Variants in C4orf51 observed in about 807,000 individuals in gnomAD.
C4orf51 encodes the protein chromosome 4 open reading frame 51.
C4orf51 carries 25 observed loss-of-function variants against 25.2 expected under a neutral mutation model. The ratio of observed to expected loss-of-function variants is 0.99; its 90% CI spans 0.72 to 1.39. The LOEUF (loss-of-function observed/expected upper bound fraction) is 1.39. Ranked by LOEUF, C4orf51 falls within the 40% of genes most tolerant of loss-of-function variation. The probability of loss-of-function intolerance (pLI) is 0.00; values close to 1 mark genes in which losing one functional copy is unlikely to be tolerated. For synonymous variants in C4orf51, 100 were observed against 84.5 expected, an observed-to-expected ratio of 1.18 and a Z score of -1.01; for missense variants, 252 against 239.6, an observed-to-expected ratio of 1.05 and a Z score of -0.34.
At chr4:145,705,340 C>T (rs987028658) in intron 2 of C4orf51, among the ~76,000 whole-genome samples, 2 of 152,160 alleles carry the variant, frequency 1.3e-5, no homozygotes, top group Non-Finnish European at 2.9e-5. Context: ...TTTAAAGAGA[C>T]AGTTAGCAAT....
chr4:145,694,252 G>A (rs1238298776), intron 1 of C4orf51, among the ~76,000 whole-genome samples: 1 of 134,870 alleles, frequency 7.4e-6, no homozygotes, highest in Admixed American at 7.3e-5. Flanking sequence ...ATGGGATGGC[G>A]GCCAGGCGGA....
At position 145,765,503 on chromosome 4, in the gene C4orf51, TG is replaced by T; in HGVS notation, n.167-5482del. ...GCTTATTCTCAAGAATGGGTCATCC[TG>T]GGTGCGGAGGGTTGAGCAGGCTCAC... On this transcript the variant is annotated intron_variant and non_coding_transcript_variant, in intron 1 of 1. Coordinates refer to the C4orf51 transcript ENST00000510096. The surrounding 1 kb of genome is among the most constrained non-coding windows in gnomAD (Gnocchi z 4.7). 1 of 1,561,026 alleles carries T rather than the reference TG, an allele frequency of 6.4e-7. No individual in the cohort carries two copies. The highest frequency in any genetic ancestry group is 8.7e-7 in the Non-Finnish European group (1 of 1,155,360).
intron 1 of C4orf51, among the ~76,000 whole-genome samples, chr4:145,748,966 G>A (rs577048156): frequency 4.0e-5 from 6 of 151,476 alleles, no homozygotes; most frequent in Non-Finnish European, 8.8e-5. Flanking sequence ...AAGGTGGGAT[G>A]TTGAAGTCTC....
chr4:145,780,780 TATC>T, the C4orf51 span, among the ~76,000 whole-genome samples: 1 of 152,234 alleles, frequency 6.6e-6, no homozygotes, highest in East Asian at 1.9e-4. Flanking sequence ...ACTAAGTTAA[TATC>T]TTGTCTTTTA....
intron 1 of C4orf51, among the ~76,000 whole-genome samples, chr4:145,694,738 C>T (rs536300451): frequency 1.6e-3 from 235 of 151,524 alleles, no homozygotes; most frequent in African/African-American, 5.5e-3. Context: ...TGAGGAGCCC[C>T]TCTGCCCGGC....
chr4:145,741,857 C>T (rs1214674219), intron 1 of C4orf51, among the ~76,000 whole-genome samples: 1 of 152,016 alleles, frequency 6.6e-6, no homozygotes, highest in East Asian at 1.9e-4. Context: ...CCACCATGCC[C>T]AACTAATTTT....
chr4:145,715,394 G>A (rs960541817), intron 2 of C4orf51, among the ~76,000 whole-genome samples: 5 of 152,202 alleles, frequency 3.3e-5, no homozygotes, highest in African/African-American at 1.2e-4. Context: ...GCAGTGTCTC[G>A]CACAGCTAGA....
At chr4:145,707,465 C>T (rs1730879048) in intron 2 of C4orf51, among the ~76,000 whole-genome samples, 6 of 152,192 alleles carry the variant, frequency 3.9e-5, no homozygotes, top group Admixed American at 2.6e-4. Flanking sequence ...TTTGCTAGTG[C>T]TTGTCCAAAT....
chr4:145,709,925 G>C (rs1731041461), intron 2 of C4orf51, among the ~76,000 whole-genome samples: 2 of 152,116 alleles, frequency 1.3e-5, no homozygotes, highest in Non-Finnish European at 2.9e-5. Context: ...TCATTCTGGG[G>C]GTTGGTTAGT....
chr4:145,681,802 T>C (rs966552476), intron 1 of C4orf51, among the ~76,000 whole-genome samples: 5 of 152,176 alleles, frequency 3.3e-5, no homozygotes, highest in African/African-American at 1.2e-4. Context: ...AACCTGCTCA[T>C]ATGATTAATC....
intron 2 of C4orf51, among the ~76,000 whole-genome samples, chr4:145,712,530 CCTAA>C (rs768665161): frequency 1.3e-5 from 2 of 152,134 alleles, no homozygotes; most frequent in Non-Finnish European, 2.9e-5. Flanking sequence ...AGAGAAAGGC[CCTAA>C]CTCTCTTCAA....
chr4:145,755,256 G>GT (rs1228037045), downstream of C4orf51, among the ~76,000 whole-genome samples: 1 of 152,180 alleles, frequency 6.6e-6, no homozygotes, highest in Non-Finnish European at 1.5e-5. Context: ...CACAGCCCTA[G>GT]TTTGTGTCTG....
chr4:145,743,701 T>C (rs1187350352), intron 1 of C4orf51, among the ~76,000 whole-genome samples: 1 of 152,148 alleles, frequency 6.6e-6, no homozygotes, highest in African/African-American at 2.4e-5. Context: ...AACTACAGAG[T>C]AGTTTAGGCA....
Position 145,761,155 on chromosome 4 carries a change from G to A in C4orf51, n.167-9833G>A. ...CGGGCCGGCCGGTTCCTTGGGGGCTGGACACAGGCCCTTCTTGTCCTCCTC... is the reference window on the plus strand; with the variant it reads ...CGGGCCGGCCGGTTCCTTGGGGGCTAGACACAGGCCCTTCTTGTCCTCCTC... On this transcript the variant is annotated intron_variant and non_coding_transcript_variant, in intron 1 of 1. Transcript: ENST00000510096. This position sits in a 1 kb window ranked among gnomAD's most constrained non-coding sequence, Gnocchi z 6.8. The A allele has an allele frequency of 1.6e-6, 2 of 1,289,838 alleles. No homozygotes were observed. Among genetic ancestry groups the A allele is most frequent in the Non-Finnish European group, 2.0e-6 (2 of 988,858 alleles). 79.9% of individuals were successfully genotyped at this position (1,289,838 alleles called of 1,614,324 possible). A position where few individuals can be genotyped will look rare whatever the true frequency, so the allele number is the denominator to read the frequency against.
intron 1 of C4orf51, chr4:145,759,526 G>A (rs1353619550): frequency 1.3e-5 from 2 of 152,092 alleles, no homozygotes; most frequent in East Asian, 3.9e-4. Context: ...CCAGAAGATC[G>A]GCAAAACACA....
At chr4:145,790,455 A>C in the C4orf51 span, among the ~76,000 whole-genome samples, 1 of 152,186 alleles carries the variant, frequency 6.6e-6, no homozygotes, top group Non-Finnish European at 1.5e-5. Flanking sequence ...AAAATACTAA[A>C]ATTTTAATGT....
chr4:145,750,457 A>G (rs867751322), intron 1 of C4orf51, among the ~76,000 whole-genome samples: 1 of 129,462 alleles, frequency 7.7e-6, no homozygotes, highest in Admixed American at 9.2e-5. Context: ...TAAATATGTC[A>G]TGCCACTCTC....
downstream of C4orf51, among the ~76,000 whole-genome samples, chr4:145,733,755 T>C (rs1363461190): frequency 6.6e-6 from 1 of 152,174 alleles, no homozygotes; most frequent in African/African-American, 2.4e-5. Flanking sequence ...AACCTTCGTA[T>C]GGTTTCCATT....
intron 2 of C4orf51, among the ~76,000 whole-genome samples, chr4:145,722,775 C>T (rs1017764172): frequency 1.3e-5 from 2 of 152,164 alleles, no homozygotes; most frequent in African/African-American, 4.8e-5. Flanking sequence ...GGCCACTCCC[C>T]ATGGTTGGCA....
Sources: allele counts gnomAD v4.1 joint callset (sites outside exome capture counted in the v4.1 genomes callset), GRCh38; gene constraint gnomAD v4.1.1; non-coding constraint Gnocchi (gnomAD v3.1); transcripts MANE v1.5; gene names NCBI Gene and HGNC (gene_info 2026-07-23, HGNC 2026-07-21).